HDLBP: variants seen among roughly 807,000 people sequenced by gnomAD.
The protein encoded by HDLBP is vigilin.
A neutral mutation model predicts 137.3 loss-of-function variants in HDLBP; 30 were observed. That is an observed-to-expected ratio of 0.22 (90% CI 0.16 to 0.30). The LOEUF (loss-of-function observed/expected upper bound fraction) is 0.30, where lower values mean the gene tolerates loss of function less well. Among genes scored for constraint, HDLBP ranks in the 10% least tolerant of loss-of-function variants. The probability of loss-of-function intolerance (pLI) is 1.00; values close to 1 mark genes in which losing one functional copy is unlikely to be tolerated. For synonymous variants in HDLBP, 606 were observed against 596.0 expected (o/e 1.02, Z -0.24); for missense variants, 1,119 against 1,667.3 (o/e 0.67, Z 5.73).
chr2:241,299,683 A>G (rs1214896181), intron 1 of HDLBP, among the ~76,000 whole-genome samples: 1 of 152,166 alleles, frequency 6.6e-6, no homozygotes. Flanking sequence ...TGGGAGGCCT[A>G]GGCAGGTGGA....
rs536911121 is a variant in HDLBP, at chr2:241,262,582, G to T, written c.450+129C>A. 4.5e-6 allele frequency: 3 copies of T among 663,746 alleles called. No homozygotes were observed. The East Asian group carries it at 8.1e-5, about 18-fold the overall frequency. The allele number at this position is 663,746 out of a possible 1,614,324, so 41.1% of individuals were successfully genotyped here. A position where few individuals can be genotyped will look rare whatever the true frequency, so the allele number is the denominator to read the frequency against. Reference sequence around the variant, plus strand: ...ATGCCAGAGGACTCTGAATGTTGCTGTCCTACCTCCAAAAGACGGAACTGT... The same window carrying T: ...ATGCCAGAGGACTCTGAATGTTGCTTTCCTACCTCCAAAAGACGGAACTGT... On this transcript the variant is annotated intron_variant, in intron 5 of 27. Coordinates refer to ENST00000310931, the MANE Select transcript of HDLBP (RefSeq NM_005336.6).
intron 1 of HDLBP, chr2:241,315,241 C>A (rs1013347042): frequency 5.3e-5 from 8 of 152,206 alleles, no homozygotes; most frequent in Admixed American, 5.2e-4. Flanking sequence ...GCGCAGGGCC[C>A]GTCGGCCCCA....
At chr2:241,243,125 G>A (rs959581382) in intron 16 of HDLBP, among the ~76,000 whole-genome samples, 1 of 152,206 alleles carries the variant, frequency 6.6e-6, no homozygotes, top group Non-Finnish European at 1.5e-5. Context: ...GGACTGGACT[G>A]AACTTACCGC....
rs7585823 is a variant in HDLBP at position 241,292,896 on chromosome 2, G to A, written c.-103+22674C>T. The stretch of plus-strand genomic sequence containing the variant: ...AGAAAACAAAAAATCAGCCAGGTGT[G>A]GCGGTGTACACCTGTGGCCCTAGCT... On this transcript the variant is annotated intron_variant, in intron 1 of 27. Coordinates refer to ENST00000310931, the MANE Select transcript of HDLBP (RefSeq NM_005336.6). 7.2e-5 allele frequency among the ~76,000 whole-genome samples: 11 copies of A among 152,326 alleles called. 1 individual carries two copies. The highest frequency in any genetic ancestry group is 2.2e-4 in the African/African-American group (9 of 41,572).
chr2:241,291,164 T>C (rs900365863), intron 1 of HDLBP, among the ~76,000 whole-genome samples: 1 of 152,184 alleles, frequency 6.6e-6, no homozygotes, highest in South Asian at 2.1e-4. Flanking sequence ...TCACAAAATT[T>C]AGAATAGGTA....
At chr2:241,301,121 C>T (rs367928795) in intron 1 of HDLBP, among the ~76,000 whole-genome samples, 3 of 150,678 alleles carry the variant, frequency 2.0e-5, no homozygotes, top group Non-Finnish European at 4.4e-5. Context: ...GGACTACAGG[C>T]GCCCGCCACC....
intron 1 of HDLBP, among the ~76,000 whole-genome samples, chr2:241,282,049 A>G (rs1450929994): frequency 6.6e-6 from 1 of 152,258 alleles, no homozygotes; most frequent in Non-Finnish European, 1.5e-5. Context: ...AGGGGAAAAG[A>G]GTATAAAATG....
chr2:241,279,321 T>A (rs1020989618), intron 1 of HDLBP, among the ~76,000 whole-genome samples: 2 of 152,222 alleles, frequency 1.3e-5, no homozygotes, highest in Non-Finnish European at 2.9e-5. Flanking sequence ...TAATGTTGCA[T>A]TGCAAACACT....
At chr2:241,257,044 C>T (rs1441016591) in intron 5 of HDLBP, among the ~76,000 whole-genome samples, 3 of 152,156 alleles carry the variant, frequency 2.0e-5, no homozygotes, top group Non-Finnish European at 4.4e-5. Context: ...CTGGAATATA[C>T]ACCCACAAAG....
At chr2:241,296,338 A>C (rs186742576) in intron 1 of HDLBP, among the ~76,000 whole-genome samples, 1 of 152,274 alleles carries the variant, frequency 6.6e-6, no homozygotes, top group African/African-American at 2.4e-5. Context: ...CTCACAACAT[A>C]CTCTAAAATA....
intron 4 of HDLBP, 40 bp from the exon 5 acceptor site, chr2:241,262,966 A>T: frequency 6.7e-7 from 1 of 1,493,522 alleles, no homozygotes; most frequent in Non-Finnish European, 9.3e-7. Context: ...TTAAGAGATT[A>T]AAAGAAGGCC....
At chr2:241,281,094 G>A (rs1559541031) in intron 1 of HDLBP, among the ~76,000 whole-genome samples, 1 of 152,170 alleles carries the variant, frequency 6.6e-6, no homozygotes, top group Admixed American at 6.5e-5. Context: ...GGTGGCTCAC[G>A]CCTGTAATCC....
intron 1 of HDLBP, among the ~76,000 whole-genome samples, chr2:241,305,515 A>T (rs890049201): frequency 6.6e-6 from 1 of 152,156 alleles, no homozygotes; most frequent in African/African-American, 2.4e-5. Flanking sequence ...AGGGCTCCTC[A>T]ACCTCAGCGC....
chr2:241,287,487 C>T (rs1271988516), intron 1 of HDLBP, among the ~76,000 whole-genome samples: 1 of 150,596 alleles, frequency 6.6e-6, no homozygotes, highest in Non-Finnish European at 1.5e-5. Flanking sequence ...GCAGCACAAT[C>T]GCAGCTCACT....
At chr2:241,248,492 C>T (rs1574910354) in intron 12 of HDLBP, 144 bp from the exon 13 acceptor site, 8 of 672,580 alleles carry the variant, frequency 1.2e-5, no homozygotes, top group South Asian at 3.4e-5. Flanking sequence ...CGTAGCACCC[C>T]GGGAGCAACC....
chr2:241,255,469 C>A lies in HDLBP; in HGVS notation c.985G>T (p.Val329Phe). The change falls in exon 8 of 28, where the codon GTT becomes TTT. Residue 329 changes from valine to phenylalanine, a missense_variant. Val to Phe is a conservative substitution (Grantham distance 50). Coordinates refer to ENST00000310931, the MANE Select transcript of HDLBP (RefSeq NM_005336.6). ...ATGCTGTCTGAGGGTGGGATCTCAACGGAAACTCCAGTTCTCTCAAGGATC... is the reference window on the plus strand; with the variant it reads ...ATGCTGTCTGAGGGTGGGATCTCAAAGGAAACTCCAGTTCTCTCAAGGATC... The part of the protein sequence containing the change: ...QEILERTGVS[V>F]EIPPSDSISE... The A allele has an allele frequency of 6.2e-7, 1 of 1,614,140 alleles. No homozygotes were observed. Among genetic ancestry groups the A allele is most frequent in the South Asian group, 1.1e-5 (1 of 91,082 alleles).
chr2:241,307,400 G>T (rs190884180), intron 1 of HDLBP, among the ~76,000 whole-genome samples: 176 of 152,322 alleles, frequency 1.2e-3, no homozygotes, highest in African/African-American at 4.0e-3. Flanking sequence ...GGGTCTCTGG[G>T]ATACAGCTAA....
At chr2:241,273,539 C>A in intron 1 of HDLBP, 1 of 926,740 alleles carries the variant, frequency 1.1e-6, no homozygotes, top group Non-Finnish European at 1.3e-6. Context: ...GTCACTTCTG[C>A]ATCCATTGTG....
chr2:241,264,406 G>T, intron 4 of HDLBP, 42 bp downstream of exon 4: 10 of 1,360,136 alleles, frequency 7.4e-6, no homozygotes, highest in Non-Finnish European at 9.2e-6. Context: ...ACATAGACAT[G>T]TTACATGATA....
Sources: allele counts gnomAD v4.1 joint callset (sites outside exome capture counted in the v4.1 genomes callset), GRCh38; gene constraint gnomAD v4.1.1; transcripts MANE v1.5; gene names NCBI Gene and HGNC (gene_info 2026-07-23, HGNC 2026-07-21).